The following ANKFN1 variants were observed in gnomAD, a reference collection of about 807,000 sequenced individuals.
The protein encoded by ANKFN1 is ankyrin repeat and fibronectin type-III domain-containing protein 1.
Under a neutral mutation model 108.7 loss-of-function variants are expected in ANKFN1, and 74 were observed. The observed-to-expected ratio is 0.68, with a 90% CI of 0.56 to 0.83. The LOEUF (loss-of-function observed/expected upper bound fraction) is 0.83. Ranked by LOEUF, ANKFN1 falls within the 40% of genes least tolerant of loss-of-function variation. ANKFN1 has a pLI of 0.00. For synonymous variants in ANKFN1, 547 were observed against 516.2 expected (o/e 1.06, Z -0.81); for missense variants, 1,505 against 1,382.3 (o/e 1.09, Z -1.41).
In ANKFN1 at chr17:56,512,980, TTCTG is replaced by T. The variant is rs1431438046; in HGVS notation, c.*1715_*1718del. ...GGGAGGATTTTAAAATGCAATTTTC[TTCTG>T]TCTAAGTGAATTCTATGTGCATGGA... is the stretch of plus-strand genomic sequence containing the variant. On this transcript the variant is annotated 3_prime_UTR_variant, in exon 21 of 21. Coordinates refer to ENST00000682825, the MANE Select transcript of ANKFN1 (RefSeq NM_001370326.1). Among the ~76,000 whole-genome samples, 4 of 152,228 alleles carry T rather than the reference TTCTG, an allele frequency of 2.6e-5. No homozygotes were observed. Among genetic ancestry groups the T allele is most frequent in the African/African-American group, 9.7e-5 (4 of 41,448 alleles).
chr17:56,074,199 AT>A (rs1330705376), intron 4 of ANKFN1, among the ~76,000 whole-genome samples: 1 of 152,176 alleles, frequency 6.6e-6, no homozygotes, highest in African/African-American at 2.4e-5. Flanking sequence ...TTTTAGTGGC[AT>A]GTGAGAAGAG....
In ANKFN1 at chr17:56,350,897, GCCACTCTTCCTTC is replaced by G. The variant is rs772150910; in HGVS notation, c.321_333del (p.Ser107ArgfsTer13). ...AACCTCTCTGAGAAACTGAAAGGGA[GCCACTCTTCCTTC>G]GATGAGGCCTATTTTAGGACAAGAA... On this transcript the variant is annotated frameshift_variant, in exon 5 of 21. Transcript: ENST00000682825. LOFTEE classifies it high-confidence loss of function. 8 of 1,613,744 alleles carry G rather than the reference GCCACTCTTCCTTC, an allele frequency of 5.0e-6. No homozygotes were observed. The highest frequency in any genetic ancestry group is 6.8e-6 in the Non-Finnish European group (8 of 1,179,904).
chr17:56,142,132 T>C (rs1389009530), intron 4 of ANKFN1, among the ~76,000 whole-genome samples: 1 of 152,028 alleles, frequency 6.6e-6, no homozygotes, highest in Non-Finnish European at 1.5e-5. Flanking sequence ...GGTTTCATCA[T>C]GTTGGACAGG....
At chr17:56,447,667 A>C (rs1353690399) in intron 10 of ANKFN1, among the ~76,000 whole-genome samples, 1 of 152,216 alleles carries the variant, frequency 6.6e-6, no homozygotes, top group Admixed American at 6.5e-5. Flanking sequence ...TGATAGGGTA[A>C]GAAATGGTGT....
rs369964553 is a variant in ANKFN1, at chr17:56,094,390, GATA to G, written c.288+48070_288+48072del. 2.4e-3 allele frequency among the ~76,000 whole-genome samples: 360 copies of G among 149,196 alleles called. 10 individuals carry two copies. Among genetic ancestry groups the G allele is most frequent in the African/African-American group, 8.3e-3 (340 of 40,736 alleles). On this transcript the variant is annotated intron_variant, in intron 4 of 12. Coordinates refer to the ANKFN1 transcript ENST00000635860. ...TTTCAACATAATTTTAGCATAGAAA[GATA>G]ATAACACTTAGGAATGTATATATTG...
intron 4 of ANKFN1, among the ~76,000 whole-genome samples, chr17:56,102,863 G>A (rs893456365): frequency 6.6e-6 from 1 of 152,318 alleles, no homozygotes; most frequent in Non-Finnish European, 1.5e-5. Flanking sequence ...AAAGGCATGA[G>A]CCACTGTGCC....
chr17:56,269,066 T>C (rs2043727399), intron 3 of ANKFN1, among the ~76,000 whole-genome samples: 1 of 152,160 alleles, frequency 6.6e-6, no homozygotes, highest in Non-Finnish European at 1.5e-5. Context: ...CCTGGGCCAG[T>C]TGTTTCCCCA....
intron 1 of ANKFN1, among the ~76,000 whole-genome samples, chr17:56,168,256 C>CAA (rs763624819): frequency 0.057 from 3,422 of 60,136 alleles, 171 homozygotes; most frequent in African/African-American, 0.16. Context: ...GACTCTGTCA[C>CAA]AAAAAAAAAA....
At chr17:56,368,916 C>T (rs1204831641) in intron 6 of ANKFN1, among the ~76,000 whole-genome samples, 4 of 152,152 alleles carry the variant, frequency 2.6e-5, no homozygotes, top group Admixed American at 2.6e-4. Flanking sequence ...TTGTGATATA[C>T]TGGTTCACAT....
At chr17:56,335,645 A>G (rs952606007) in intron 4 of ANKFN1, among the ~76,000 whole-genome samples, 2 of 152,202 alleles carry the variant, frequency 1.3e-5, no homozygotes, top group African/African-American at 2.4e-5. Context: ...TAAATATACA[A>G]TCATGTCATC....
chr17:56,140,679 A>G (rs1412269725), intron 4 of ANKFN1, among the ~76,000 whole-genome samples: 1 of 152,204 alleles, frequency 6.6e-6, no homozygotes, highest in East Asian at 1.9e-4. Context: ...CCTGCATCAT[A>G]GGATTGTGAG....
At chr17:56,441,784 T>A (rs2030539104) in intron 9 of ANKFN1, among the ~76,000 whole-genome samples, 1 of 152,232 alleles carries the variant, frequency 6.6e-6, no homozygotes, top group Admixed American at 6.5e-5. Flanking sequence ...ATTTATACTT[T>A]ACACAATCTC....
At chr17:56,156,580 G>A (rs768903796) in intron 1 of ANKFN1, 1 of 152,314 alleles carries the variant, frequency 6.6e-6, no homozygotes, top group African/African-American at 2.4e-5. Context: ...ATGCATGGTG[G>A]GTTTCATATA....
intron 16 of ANKFN1, among the ~76,000 whole-genome samples, chr17:56,480,211 T>A (rs1234860309): frequency 1.3e-5 from 2 of 152,206 alleles, no homozygotes; most frequent in East Asian, 3.9e-4. Context: ...ATATCCCCCA[T>A]GATTACAACA....
chr17:56,268,376 C>T (rs564356476), intron 3 of ANKFN1, among the ~76,000 whole-genome samples: 127 of 152,160 alleles, frequency 8.3e-4, no homozygotes, highest in Admixed American at 1.4e-3. Context: ...AATTCTTTGA[C>T]GCTAATGATA....
At chr17:56,371,835 T>A (rs1162593345) in intron 6 of ANKFN1, among the ~76,000 whole-genome samples, 1 of 152,214 alleles carries the variant, frequency 6.6e-6, no homozygotes, top group Non-Finnish European at 1.5e-5. Flanking sequence ...GCAGGATGGC[T>A]AAACAATCTG....
At chr17:56,159,033 C>CAAAAAA (rs57878541) in intron 1 of ANKFN1, among the ~76,000 whole-genome samples, 80 of 70,812 alleles carry the variant, frequency 1.1e-3, no homozygotes, top group East Asian at 2.6e-3. Flanking sequence ...TGGTCTAGGC[C>CAAAAAA]AAAAAAAAAA....
chr17:56,286,752 G>A (rs1162700499), intron 3 of ANKFN1, among the ~76,000 whole-genome samples: 1 of 152,062 alleles, frequency 6.6e-6, no homozygotes. Context: ...AGATTCAAGA[G>A]CAAAGAACAT....
At chr17:56,272,210 C>CA (rs2043811332) in intron 3 of ANKFN1, among the ~76,000 whole-genome samples, 1 of 152,152 alleles carries the variant, frequency 6.6e-6, no homozygotes, top group African/African-American at 2.4e-5. Flanking sequence ...GCATTAAGTA[C>CA]ATTGATATGA....
Sources: gnomAD v4.1 joint callset for allele counts (sites outside exome capture counted in the v4.1 genomes callset) on GRCh38, gnomAD v4.1.1 for gene constraint, MANE v1.5 for transcripts, NCBI Gene and HGNC (gene_info 2026-07-23, HGNC 2026-07-21) for gene names.